Variants in SERPINB7 observed in about 807,000 individuals in gnomAD.
SERPINB7 encodes serpin family B member 7.
A neutral mutation model predicts 37.4 loss-of-function variants in SERPINB7; 31 were observed. That is an observed-to-expected ratio of 0.83 (90% CI 0.62 to 1.12). The LOEUF (loss-of-function observed/expected upper bound fraction) is 1.12, where lower values mean the gene tolerates loss of function less well. Among genes scored for constraint, SERPINB7 ranks in the 50% most tolerant of loss-of-function variants. The pLI, the probability that SERPINB7 is intolerant of heterozygous loss-of-function variation, is 0.00. For synonymous variants in SERPINB7, 163 were observed against 166.1 expected, an observed-to-expected ratio of 0.98 and a Z score of 0.14; for missense variants, 521 against 455.3, an observed-to-expected ratio of 1.14 and a Z score of -1.31.
At chr18:63,795,394 C>T (rs1361329851) in intron 4 of SERPINB7, among the ~76,000 whole-genome samples, 1 of 151,846 alleles carries the variant, frequency 6.6e-6, no homozygotes, top group African/African-American at 2.4e-5. Flanking sequence ...AACCCCATCT[C>T]TACTAAAAAT....
At chr18:63,766,480 C>T (rs8091852) in intron 1 of SERPINB7, among the ~76,000 whole-genome samples, 5 of 152,130 alleles carry the variant, frequency 3.3e-5, no homozygotes, top group East Asian at 1.9e-4. Context: ...ATAAATTGTT[C>T]GACAAATAAA....
chr18:63,763,233 T>C (rs556420712), intron 1 of SERPINB7, among the ~76,000 whole-genome samples: 6 of 152,322 alleles, frequency 3.9e-5, no homozygotes, highest in Admixed American at 1.3e-4. Flanking sequence ...TCTATATCTC[T>C]ACCATGTTTT....
intron 2 of SERPINB7, among the ~76,000 whole-genome samples, chr18:63,783,215 AGAGAG>A (rs1568207688): frequency 3.0e-3 from 226 of 74,768 alleles, no homozygotes; most frequent in East Asian, 0.01. Flanking sequence ...AGAGAGAGAG[AGAGAG>A]AGAGAGAGAG....
chr18:63,785,830 C>T (rs113040419), intron 2 of SERPINB7, among the ~76,000 whole-genome samples: 7 of 148,860 alleles, frequency 4.7e-5, no homozygotes, highest in African/African-American at 9.8e-5. Flanking sequence ...TTTCCTATTT[C>T]GTAAGCTACT....
upstream of SERPINB7, among the ~76,000 whole-genome samples, chr18:63,774,345 C>T (rs554804907): frequency 3.9e-5 from 6 of 152,094 alleles, no homozygotes; most frequent in East Asian, 1.2e-3. Flanking sequence ...CCTTCTAATT[C>T]CAATAGCTTT....
chr18:63,792,709 G>C (rs1267911962), intron 3 of SERPINB7, among the ~76,000 whole-genome samples: 1 of 152,150 alleles, frequency 6.6e-6, no homozygotes, highest in African/African-American at 2.4e-5. Flanking sequence ...TCCTTTCAAA[G>C]CAAAGAAACA....
chr18:63,782,931 G>A (rs903955197), intron 2 of SERPINB7, among the ~76,000 whole-genome samples: 5 of 151,886 alleles, frequency 3.3e-5, no homozygotes, highest in African/African-American at 1.2e-4. Flanking sequence ...GAGGTCAGGA[G>A]ATCGAGACCA....
chr18:63,757,308 T>G (rs1232574050), intron 1 of SERPINB7, among the ~76,000 whole-genome samples: 1 of 152,144 alleles, frequency 6.6e-6, no homozygotes, highest in Admixed American at 6.5e-5. Context: ...GGGAAAGCAA[T>G]TGAATAACTT....
At chr18:63,765,597 C>T (rs1315595729) in intron 1 of SERPINB7, among the ~76,000 whole-genome samples, 3 of 152,072 alleles carry the variant, frequency 2.0e-5, no homozygotes, top group African/African-American at 7.2e-5. Context: ...TCTACACAGT[C>T]CCTGGTTTTC....
At chr18:63,794,658 C>T (rs1342076984) in intron 4 of SERPINB7, among the ~76,000 whole-genome samples, 3 of 152,090 alleles carry the variant, frequency 2.0e-5, no homozygotes, top group Admixed American at 2.0e-4. Context: ...CCACTGCACT[C>T]CGGCCTGGGC....
At chr18:63,775,095 T>G (rs2049235558), upstream of SERPINB7, among the ~76,000 whole-genome samples, 1 of 152,154 alleles carries the variant, frequency 6.6e-6, no homozygotes, top group South Asian at 2.1e-4. Context: ...CACTGCTATC[T>G]TGCCTTAGTT....
At chr18:63,782,735 A>G (rs968541686) in intron 2 of SERPINB7, among the ~76,000 whole-genome samples, 195 bp downstream of exon 2, 3 of 152,238 alleles carry the variant, frequency 2.0e-5, no homozygotes, top group African/African-American at 7.2e-5. Flanking sequence ...GCCAAGAGGC[A>G]GCAGAAATAT....
intron 5 of SERPINB7, 37 bp downstream of exon 5, chr18:63,796,420 G>T (rs754090222): frequency 1.2e-5 from 15 of 1,206,390 alleles, no homozygotes; most frequent in Admixed American, 1.2e-4. Flanking sequence ...TACAAGATTT[G>T]TCAGTTATAT....
At position 63,763,486 on chromosome 18, in the gene SERPINB7, A is replaced by G. The variant is rs76154565; in HGVS notation, c.-19+10366A>G. Among the ~76,000 whole-genome samples, 416 of 152,320 alleles carry G rather than the reference A, an allele frequency of 2.7e-3. 3 individuals are homozygous for G. Among genetic ancestry groups the G allele is most frequent in the African/African-American group, 9.2e-3 (381 of 41,566 alleles). On this transcript the variant is annotated intron_variant, in intron 1 of 7. Coordinates refer to the SERPINB7 transcript ENST00000336429. ...TAATCCACCTTTCATTTATGAGACA[A>G]TCTAAAAATAGGTTTGTCTTCTTTT...
chr18:63,787,715 T>C (rs2049386531), intron 2 of SERPINB7, among the ~76,000 whole-genome samples: 1 of 152,158 alleles, frequency 6.6e-6, no homozygotes, highest in Non-Finnish European at 1.5e-5. Flanking sequence ...GTTAAAAAGT[T>C]ACAGTCTGTC....
At chr18:63,784,758 A>T (rs1456384544) in intron 2 of SERPINB7, among the ~76,000 whole-genome samples, 2 of 152,178 alleles carry the variant, frequency 1.3e-5, no homozygotes, top group African/African-American at 2.4e-5. Context: ...ATAAAGAAAA[A>T]AACCTTACAG....
At chr18:63,802,742 G>A (rs776411017) in intron 7 of SERPINB7, among the ~76,000 whole-genome samples, 1 of 152,174 alleles carries the variant, frequency 6.6e-6, no homozygotes, top group Non-Finnish European at 1.5e-5. Context: ...AAACAGACAT[G>A]CCTACCATCC....
intron 4 of SERPINB7, among the ~76,000 whole-genome samples, chr18:63,794,863 T>C (rs1449891299): frequency 6.6e-6 from 1 of 152,230 alleles, no homozygotes; most frequent in African/African-American, 2.4e-5. Flanking sequence ...ATCCTGCAGA[T>C]AGACAAAGGA....
intron 1 of SERPINB7, among the ~76,000 whole-genome samples, chr18:63,754,178 A>G (rs544971343): frequency 6.6e-6 from 1 of 152,360 alleles, no homozygotes; most frequent in East Asian, 1.9e-4. Flanking sequence ...TTCTTGACAG[A>G]GTTTAAATAA....
Sources: allele counts gnomAD v4.1 joint callset (sites outside exome capture counted in the v4.1 genomes callset), GRCh38; gene constraint gnomAD v4.1.1; transcripts MANE v1.5; gene names NCBI Gene and HGNC (gene_info 2026-07-23, HGNC 2026-07-21).